Variants in GRM7 observed in about 807,000 individuals in gnomAD.
GRM7 encodes the protein glutamate metabotropic receptor 7.
A neutral mutation model predicts 84.5 loss-of-function variants in GRM7; 35 were observed. The ratio of observed to expected loss-of-function variants is 0.41; its 90% confidence interval spans 0.32 to 0.55. The LOEUF (loss-of-function observed/expected upper bound fraction) is 0.55. Among genes scored for constraint, GRM7 ranks in the 20% least tolerant of loss-of-function variants. The pLI, the probability that GRM7 is intolerant of heterozygous loss-of-function variation, is 0.19. For synonymous variants in GRM7, 487 were observed against 455.1 expected, an observed-to-expected ratio of 1.07 and a Z score of -0.89; for missense variants, 1,003 against 1,194.6, an observed-to-expected ratio of 0.84 and a Z score of 2.36.
chr3:7,720,368 G>C (rs1701903475), intron 9 of GRM7, among the ~76,000 whole-genome samples: 1 of 151,988 alleles, frequency 6.6e-6, no homozygotes, highest in Admixed American at 6.6e-5. Flanking sequence ...TGTAAAATTG[G>C]CCTGTGATTA....
intron 8 of GRM7, among the ~76,000 whole-genome samples, chr3:7,652,478 C>G (rs540176769): frequency 6.6e-6 from 1 of 152,168 alleles, no homozygotes; most frequent in Non-Finnish European, 1.5e-5. Flanking sequence ...AGCTCTGCCC[C>G]TTTCTAGTGG....
rs192807306 is a variant in GRM7 at position 7,329,186 on chromosome 3, A to G, written c.1033+22534A>G. ...ACAAAATCACTAGAGGAACATTCCG[A>G]TGACAAATTTTCTCCTAAACCTTGT... On this transcript the variant is annotated intron_variant, in intron 4 of 9. Transcript: ENST00000357716. Among the ~76,000 whole-genome samples, 5 of 152,290 alleles carry G rather than the reference A, an allele frequency of 3.3e-5. No individual in the cohort carries two copies. In the East Asian group the frequency reaches 5.8e-4, roughly 18 times the overall value.
At chr3:7,462,696 A>C (rs1698300005) in intron 7 of GRM7, among the ~76,000 whole-genome samples, 2 of 152,156 alleles carry the variant, frequency 1.3e-5, no homozygotes, top group African/African-American at 4.8e-5. Context: ...GGAGCCGTGA[A>C]GCCACTACAG....
chr3:7,650,267 C>T (rs1698869916), intron 8 of GRM7, among the ~76,000 whole-genome samples: 2 of 152,194 alleles, frequency 1.3e-5, no homozygotes, highest in Non-Finnish European at 2.9e-5. Context: ...TCTGCCCCTT[C>T]CCAGCTTTAT....
At chr3:7,454,965 A>G in intron 6 of GRM7, among the ~76,000 whole-genome samples, 1 of 152,162 alleles carries the variant, frequency 6.6e-6, no homozygotes, top group East Asian at 1.9e-4. Flanking sequence ...AAGAACCCTT[A>G]GAAAATGGTT....
intron 2 of GRM7, among the ~76,000 whole-genome samples, chr3:7,225,406 A>AGTAAAT (rs1224467240): frequency 6.8e-6 from 1 of 148,096 alleles, no homozygotes; most frequent in Non-Finnish European, 1.5e-5. Context: ...ATATATGTAT[A>AGTAAAT]GTAAATGTAA....
At chr3:7,076,952 G>A (rs1189305321) in intron 1 of GRM7, among the ~76,000 whole-genome samples, 1 of 152,074 alleles carries the variant, frequency 6.6e-6, no homozygotes, top group East Asian at 1.9e-4. Context: ...TATTTATGCA[G>A]CCAACAAACA....
intron 8 of GRM7, among the ~76,000 whole-genome samples, chr3:7,667,257 G>C (rs1176698471): frequency 7.8e-6 from 1 of 128,882 alleles, no homozygotes; most frequent in Non-Finnish European, 1.6e-5. Context: ...GACAGAGTGA[G>C]ACCCTGTCTG....
At chr3:7,231,190 G>A (rs1697185667) in intron 2 of GRM7, among the ~76,000 whole-genome samples, 1 of 152,148 alleles carries the variant, frequency 6.6e-6, no homozygotes, top group Non-Finnish European at 1.5e-5. Flanking sequence ...CACTGAATTA[G>A]GCATTTGACA....
intron 1 of GRM7, among the ~76,000 whole-genome samples, chr3:6,882,388 G>GA (rs1695544083): frequency 6.6e-6 from 1 of 152,002 alleles, no homozygotes; most frequent in Non-Finnish European, 1.5e-5. Context: ...AAGGCATAAA[G>GA]AAAAAGTATA....
chr3:7,295,238 G>A (rs988663659), intron 2 of GRM7, among the ~76,000 whole-genome samples: 2 of 152,002 alleles, frequency 1.3e-5, no homozygotes, highest in Non-Finnish European at 2.9e-5. Flanking sequence ...GGCATCATTT[G>A]TTGAAAAGAC....
At chr3:6,940,238 C>T (rs891547676) in intron 1 of GRM7, among the ~76,000 whole-genome samples, 1 of 151,990 alleles carries the variant, frequency 6.6e-6, no homozygotes, top group Admixed American at 6.6e-5. Context: ...ACTACAGGTG[C>T]GCACCACCAT....
intron 8 of GRM7, among the ~76,000 whole-genome samples, chr3:7,636,842 C>A (rs1483333100): frequency 6.6e-6 from 1 of 152,168 alleles, no homozygotes; most frequent in Non-Finnish European, 1.5e-5. Context: ...CAAGCCCCAT[C>A]TCGTGTTGCA....
At chr3:6,932,963 C>T (rs2095164877) in intron 1 of GRM7, among the ~76,000 whole-genome samples, 1 of 151,914 alleles carries the variant, frequency 6.6e-6, no homozygotes, top group South Asian at 2.1e-4. Context: ...CCATGTTGGC[C>T]AAGCTGGTCT....
At chr3:7,144,364 A>AATGCATAT (rs1170044875) in intron 1 of GRM7, among the ~76,000 whole-genome samples, 1 of 152,202 alleles carries the variant, frequency 6.6e-6, no homozygotes, top group Non-Finnish European at 1.5e-5. Flanking sequence ...TAGATAAGGC[A>AATGCATAT]ATGCATATAA....
At chr3:7,508,091 C>G (rs1433584861) in intron 7 of GRM7, among the ~76,000 whole-genome samples, 1 of 152,122 alleles carries the variant, frequency 6.6e-6, no homozygotes, top group East Asian at 1.9e-4. Flanking sequence ...GCTGAAAGCT[C>G]TGGTCTAGAT....
At chr3:7,272,586 T>C (rs979437914) in intron 2 of GRM7, among the ~76,000 whole-genome samples, 1 of 152,158 alleles carries the variant, frequency 6.6e-6, no homozygotes, top group Non-Finnish European at 1.5e-5. Context: ...GCAGATTGTG[T>C]CTTTCAAGGA....
intron 4 of GRM7, among the ~76,000 whole-genome samples, chr3:7,398,106 CTT>C (rs1331359403): frequency 2.6e-5 from 4 of 152,282 alleles, no homozygotes; most frequent in African/African-American, 9.6e-5. Context: ...GTGGGAATGA[CTT>C]TTAAAATGAC....
At chr3:7,129,206 C>T (rs1478414979) in intron 1 of GRM7, among the ~76,000 whole-genome samples, 3 of 152,178 alleles carry the variant, frequency 2.0e-5, no homozygotes, top group Non-Finnish European at 4.4e-5. Context: ...GATCAACAAA[C>T]AATTGATATC....
Sources: gnomAD v4.1 joint callset for allele counts (sites outside exome capture counted in the v4.1 genomes callset) on GRCh38, gnomAD v4.1.1 for gene constraint, MANE v1.5 for transcripts, NCBI Gene and HGNC (gene_info 2026-07-23, HGNC 2026-07-21) for gene names.